Variants in PRELID2 observed in about 807,000 individuals in gnomAD.
PRELID2 encodes PRELI domain containing 2, also known as PRELI domain-containing protein 2.
PRELID2 carries 25 observed loss-of-function variants against 28.4 expected under a neutral mutation model. That is an observed-to-expected ratio of 0.88 (90% CI 0.64 to 1.23). The LOEUF is 1.23. Among genes scored for constraint, PRELID2 ranks in the 50% most tolerant of loss-of-function variants. The probability of loss-of-function intolerance (pLI) is 0.00; values close to 1 mark genes in which losing one functional copy is unlikely to be tolerated. For synonymous variants in PRELID2, 76 were observed against 71.6 expected, an observed-to-expected ratio of 1.06 and a Z score of -0.31; for missense variants, 201 against 214.4, an observed-to-expected ratio of 0.94 and a Z score of 0.39.
intron 1 of PRELID2, among the ~76,000 whole-genome samples, chr5:145,693,848 C>A (rs1755201359): frequency 6.6e-6 from 1 of 152,102 alleles, no homozygotes; most frequent in African/African-American, 2.4e-5. Context: ...ATAGACTTTA[C>A]AAATGATGTT....
intron 1 of PRELID2, among the ~76,000 whole-genome samples, chr5:145,610,640 G>C (rs1173247355): frequency 6.6e-6 from 1 of 152,116 alleles, no homozygotes; most frequent in Non-Finnish European, 1.5e-5. Flanking sequence ...ACAGAAATTA[G>C]TACCTAGATG....
intron 1 of PRELID2, among the ~76,000 whole-genome samples, chr5:145,506,237 A>G (rs1201209295): frequency 1.3e-5 from 2 of 152,260 alleles, no homozygotes; most frequent in African/African-American, 2.4e-5. Context: ...TTCCATCAGA[A>G]TGGCTTTCTT....
At chr5:145,363,164 A>G in the PRELID2 span, among the ~76,000 whole-genome samples, 1 of 151,924 alleles carries the variant, frequency 6.6e-6, no homozygotes, top group Non-Finnish European at 1.5e-5. Context: ...CTCAACACAA[A>G]CATATCACCC....
intron 1 of PRELID2, among the ~76,000 whole-genome samples, chr5:145,613,690 G>A (rs1753655050): frequency 6.6e-6 from 1 of 151,996 alleles, no homozygotes. Flanking sequence ...TTTTCTTACT[G>A]ATTTGTTTGA....
chr5:145,293,653 A>G, the PRELID2 span, among the ~76,000 whole-genome samples: 1 of 152,152 alleles, frequency 6.6e-6, no homozygotes, highest in Admixed American at 6.6e-5. Context: ...TTTCTCATGT[A>G]AAGGATGGTT....
chr5:145,733,877 T>A (rs1051128881), intron 1 of PRELID2, among the ~76,000 whole-genome samples: 3 of 152,114 alleles, frequency 2.0e-5, no homozygotes, highest in Non-Finnish European at 4.4e-5. Flanking sequence ...AAGTTGGGAA[T>A]CTTAACGTGA....
At chr5:145,603,287 A>G (rs997422889) in intron 1 of PRELID2, among the ~76,000 whole-genome samples, 1 of 148,198 alleles carries the variant, frequency 6.7e-6, no homozygotes, top group Non-Finnish European at 1.5e-5. Context: ...AAATCAGAGC[A>G]GCTAGAAAAA....
chr5:145,402,548 G>C, the PRELID2 span, among the ~76,000 whole-genome samples: 26 of 152,276 alleles, frequency 1.7e-4, no homozygotes, highest in African/African-American at 6.0e-4. Context: ...TGTAGAGCAG[G>C]TCTCCTTGTT....
At chr5:145,769,361 G>A (rs1414175389) in intron 5 of PRELID2, among the ~76,000 whole-genome samples, 1 of 152,122 alleles carries the variant, frequency 6.6e-6, no homozygotes, top group Non-Finnish European at 1.5e-5. Context: ...AGGAGTCTCA[G>A]AGTCAGATTC....
intron 1 of PRELID2, among the ~76,000 whole-genome samples, chr5:145,509,154 C>T (rs1381121812): frequency 6.6e-6 from 1 of 152,070 alleles, no homozygotes; most frequent in Non-Finnish European, 1.5e-5. Context: ...TGTGAACATC[C>T]GTGATATGGG....
chr5:145,539,802 G>T (rs1752731529), intron 1 of PRELID2, among the ~76,000 whole-genome samples: 1 of 151,630 alleles, frequency 6.6e-6, no homozygotes, highest in Non-Finnish European at 1.5e-5. Context: ...TTTCCAGAAA[G>T]TTCTTAATAA....
chr5:145,605,459 C>T (rs1753491115), intron 1 of PRELID2, among the ~76,000 whole-genome samples: 1 of 151,936 alleles, frequency 6.6e-6, no homozygotes. Flanking sequence ...TTTTTGTCAA[C>T]TTTGTCAAAG....
At chr5:145,373,959 A>G in the PRELID2 span, among the ~76,000 whole-genome samples, 2 of 144,242 alleles carry the variant, frequency 1.4e-5, no homozygotes, top group East Asian at 4.0e-4. Context: ...ATTATATGTT[A>G]TAACATATAA....
At chr5:145,309,534 A>G in the PRELID2 span, among the ~76,000 whole-genome samples, 1 of 152,224 alleles carries the variant, frequency 6.6e-6, no homozygotes, top group Admixed American at 6.5e-5. Flanking sequence ...AAATATTTAA[A>G]GAAAGTATTT....
chr5:145,441,860 C>A, the PRELID2 span, among the ~76,000 whole-genome samples: 2 of 152,108 alleles, frequency 1.3e-5, no homozygotes, highest in Non-Finnish European at 2.9e-5. Context: ...ACCACTAGAA[C>A]CAACCTCCCC....
chr5:145,332,620 G>A, the PRELID2 span, among the ~76,000 whole-genome samples: 1 of 151,860 alleles, frequency 6.6e-6, no homozygotes. Flanking sequence ...GCTACATCAG[G>A]TCATTTATGT....
In PRELID2 at chr5:145,728,500, A is replaced by G. The variant is rs1467229328; in HGVS notation, n.70+36431T>C. On this transcript the variant is annotated intron_variant and non_coding_transcript_variant, in intron 1 of 2. Transcript: ENST00000510259. ...AAGTGTTCTCCCCTCCCAAAGCAGG[A>G]AAACCAGAGTTTGGTCCTTGCAAAT... The G allele has an allele frequency of 7.7e-5, 53 of 691,880 alleles. No homozygotes were observed. In the East Asian group the frequency reaches 1.3e-3, roughly 17 times the overall value. 42.9% of individuals were successfully genotyped at this position (691,880 alleles called of 1,614,324 possible).
At chr5:145,493,455 C>T (rs1272243171) in intron 1 of PRELID2, among the ~76,000 whole-genome samples, 2 of 152,180 alleles carry the variant, frequency 1.3e-5, no homozygotes, top group African/African-American at 4.8e-5. Context: ...GCTTCAGTGT[C>T]CTGATTGTGT....
intron 4 of PRELID2, among the ~76,000 whole-genome samples, chr5:145,803,302 C>G (rs1753264718): frequency 6.6e-6 from 1 of 152,154 alleles, no homozygotes; most frequent in Non-Finnish European, 1.5e-5. Context: ...AACCCATTTA[C>G]ATAACTGCCT....
Sources: gnomAD v4.1 joint callset for allele counts (sites outside exome capture counted in the v4.1 genomes callset) on GRCh38, gnomAD v4.1.1 for gene constraint, MANE v1.5 for transcripts, NCBI Gene and HGNC (gene_info 2026-07-23, HGNC 2026-07-21) for gene names.